Variants in DPP6 observed in about 807,000 individuals in gnomAD.
DPP6 encodes A-type potassium channel modulatory protein DPP6.
In DPP6, 69 loss-of-function variants were observed where a neutral mutation model predicts 122.6. That is an observed-to-expected ratio of 0.56 (90% CI 0.46 to 0.69). DPP6 has a LOEUF of 0.69. DPP6 is among the 30% of genes least tolerant of loss of function. DPP6 has a pLI of 0.00. For synonymous variants in DPP6, 418 were observed against 433.1 expected, an observed-to-expected ratio of 0.97 and a Z score of 0.43; for missense variants, 928 against 1,116.9, an observed-to-expected ratio of 0.83 and a Z score of 2.41.
intron 7 of DPP6, among the ~76,000 whole-genome samples, chr7:154,706,446 A>T (rs1402709703): frequency 6.6e-6 from 1 of 151,988 alleles, no homozygotes; most frequent in African/African-American, 2.4e-5. Context: ...CCTCCCAGCA[A>T]TTCCCAGACT....
intron 1 of DPP6, among the ~76,000 whole-genome samples, chr7:154,063,728 T>C (rs1445883807): frequency 6.8e-5 from 10 of 147,230 alleles, no homozygotes; most frequent in African/African-American, 2.6e-4. Context: ...CAGCCCCTCT[T>C]CCCCCCCGGC....
rs956555746 is a variant in DPP6, at chr7:154,202,692, A to G, written c.243+149629A>G. ...TCCCCTCCTACTACAGGCCGGGGCC[A>G]CTGGGCCCTGTTAGTTCAGGGCCCC... On this transcript the variant is annotated intron_variant, in intron 1 of 25. Transcript: ENST00000377770. 3.9e-5 allele frequency among the ~76,000 whole-genome samples: 6 copies of G among 152,230 alleles called. No individual in the cohort carries two copies. In the East Asian group the frequency reaches 1.2e-3, roughly 30 times the overall value.
In DPP6 at chr7:154,457,985, A is replaced by G. The variant is rs866505145; in HGVS notation, c.358+11657A>G. Among the ~76,000 whole-genome samples, 4 of 18,766 alleles carry G rather than the reference A, an allele frequency of 2.1e-4. 1 individual carries two copies. Among genetic ancestry groups the G allele is most frequent in the African/African-American group, 5.9e-4 (4 of 6,794 alleles). The allele number at this position is 18,766 out of a possible 152,430, so 12.3% of individuals were successfully genotyped here. Reference sequence around the variant, plus strand: ...CTTAGAGTATAATAAAAAAAAAAAAAAAGAAGGAAATAGAGGGAGATTTGA... The same window carrying G: ...CTTAGAGTATAATAAAAAAAAAAAAGAAGAAGGAAATAGAGGGAGATTTGA... On this transcript the variant is annotated intron_variant, in intron 2 of 25. Transcript: ENST00000377770.
intron 5 of DPP6, among the ~76,000 whole-genome samples, chr7:154,636,210 A>G (rs949408494): frequency 1.3e-5 from 2 of 152,184 alleles, no homozygotes; most frequent in Non-Finnish European, 2.9e-5. Flanking sequence ...AATATACCAT[A>G]TACCATAACC....
the DPP6 span, among the ~76,000 whole-genome samples, chr7:153,853,090 C>T: frequency 6.6e-6 from 1 of 152,144 alleles, no homozygotes; most frequent in Non-Finnish European, 1.5e-5. Context: ...GTTGTTTCAG[C>T]CTAGGCACAA....
At chr7:154,662,065 C>T (rs1181732531) in intron 6 of DPP6, among the ~76,000 whole-genome samples, 4 of 149,776 alleles carry the variant, frequency 2.7e-5, no homozygotes, top group Non-Finnish European at 5.9e-5. Flanking sequence ...ATCACCATGG[C>T]GTATTGGCCA....
intron 1 of DPP6, among the ~76,000 whole-genome samples, chr7:154,250,977 A>C (rs1331206681): frequency 1.3e-5 from 2 of 152,236 alleles, no homozygotes; most frequent in East Asian, 3.9e-4. Flanking sequence ...GACGAGCCCC[A>C]CCCAAGTGAA....
At chr7:154,873,983 T>A (rs1804628907) in intron 19 of DPP6, among the ~76,000 whole-genome samples, 1 of 140,196 alleles carries the variant, frequency 7.1e-6, no homozygotes, top group Non-Finnish European at 1.5e-5. Context: ...AGCACACACA[T>A]GCATACCCAC....
chr7:154,085,005 A>C (rs1290015040), intron 1 of DPP6, among the ~76,000 whole-genome samples: 2 of 151,658 alleles, frequency 1.3e-5, no homozygotes, highest in African/African-American at 2.4e-5. Context: ...AAAAAAAAAA[A>C]AAAAAACAGG....
intron 1 of DPP6, among the ~76,000 whole-genome samples, chr7:154,423,906 T>G (rs776872745): frequency 6.6e-6 from 1 of 152,170 alleles, no homozygotes; most frequent in Non-Finnish European, 1.5e-5. Context: ...CAAAGAAACA[T>G]AGAGGATGGT....
At chr7:153,851,203 T>G in the DPP6 span, among the ~76,000 whole-genome samples, 1 of 152,218 alleles carries the variant, frequency 6.6e-6, no homozygotes, top group East Asian at 1.9e-4. Flanking sequence ...GACTATTTGG[T>G]ATTTGGAATT....
chr7:154,486,894 T>C lies in DPP6; in HGVS notation c.457+11857T>C, dbSNP rs4726423. Among the ~76,000 whole-genome samples the C allele has an allele frequency of 0.84, 127,482 of 152,152 alleles. 53,913 individuals are homozygous for C. The highest frequency in any genetic ancestry group is 0.94 in the African/African-American group (39,018 of 41,506). On this transcript the variant is annotated intron_variant, in intron 3 of 25. Transcript: ENST00000377770. The surrounding 1 kb of genome is among the most constrained non-coding windows in gnomAD (Gnocchi z 4.5). ...TGATGGATGATGCTGGGCCCCGCTGTTGATGCTGCTTAATTCATAATTTGG... is the reference window on the plus strand; with the variant it reads ...TGATGGATGATGCTGGGCCCCGCTGCTGATGCTGCTTAATTCATAATTTGG...
chr7:154,264,146 T>C (rs565481310), intron 1 of DPP6, among the ~76,000 whole-genome samples: 22 of 152,348 alleles, frequency 1.4e-4, no homozygotes, highest in Non-Finnish European at 2.6e-4. Context: ...AAGTGGCCTT[T>C]TCAAAGAGTG....
the DPP6 span, among the ~76,000 whole-genome samples, chr7:153,813,396 G>A: frequency 6.6e-6 from 1 of 152,202 alleles, no homozygotes; most frequent in Non-Finnish European, 1.5e-5. Context: ...TGGTATATAT[G>A]TGCCACATTT....
At chr7:154,709,087 C>T (rs1052852088) in intron 7 of DPP6, among the ~76,000 whole-genome samples, 2 of 152,142 alleles carry the variant, frequency 1.3e-5, no homozygotes, top group African/African-American at 2.4e-5. Flanking sequence ...AAAAGCATTC[C>T]TAATATAAAT....
At chr7:154,388,253 C>T (rs1368064676) in intron 1 of DPP6, among the ~76,000 whole-genome samples, 1 of 152,148 alleles carries the variant, frequency 6.6e-6, no homozygotes, top group Non-Finnish European at 1.5e-5. Context: ...AATCACACCA[C>T]TCCAGCCTGG....
chr7:154,671,834 G>A (rs183052681), intron 7 of DPP6, among the ~76,000 whole-genome samples: 11 of 147,570 alleles, frequency 7.5e-5, no homozygotes, highest in Admixed American at 6.8e-4. Flanking sequence ...CTCAGAGAAG[G>A]CTTCCTGACA....
chr7:153,816,220 T>C, the DPP6 span, among the ~76,000 whole-genome samples: 1 of 152,160 alleles, frequency 6.6e-6, no homozygotes, highest in Non-Finnish European at 1.5e-5. Flanking sequence ...ATATTTATAG[T>C]TTTACTGTAT....
At chr7:153,831,181 G>A in the DPP6 span, among the ~76,000 whole-genome samples, 2 of 152,174 alleles carry the variant, frequency 1.3e-5, no homozygotes, top group African/African-American at 4.8e-5. Flanking sequence ...GATGTCTACA[G>A]AGGACCAACA....
Sources: allele counts gnomAD v4.1 joint callset (sites outside exome capture counted in the v4.1 genomes callset), GRCh38; gene constraint gnomAD v4.1.1; non-coding constraint Gnocchi (gnomAD v3.1); transcripts MANE v1.5; gene names NCBI Gene and HGNC (gene_info 2026-07-23, HGNC 2026-07-21).